Variants in NPAS3 observed in about 807,000 individuals in gnomAD.
The protein encoded by NPAS3 is neuronal PAS domain protein 3.
NPAS3 carries 14 observed loss-of-function variants against 73.1 expected under a neutral mutation model. That is an observed-to-expected ratio of 0.19 (90% CI 0.13 to 0.30). NPAS3 has a LOEUF of 0.30. NPAS3 is among the 10% of genes least tolerant of loss of function. The pLI is 1.00. For synonymous variants in NPAS3, 620 were observed against 541.5 expected, an observed-to-expected ratio of 1.14 and a Z score of -2.01; for missense variants, 1,096 against 1,250.0, an observed-to-expected ratio of 0.88 and a Z score of 1.86.
chr14:33,422,691 T>C (rs2048405156), intron 4 of NPAS3, among the ~76,000 whole-genome samples: 1 of 151,960 alleles, frequency 6.6e-6, no homozygotes, highest in Admixed American at 6.6e-5. Context: ...AAAATATATC[T>C]GTTGAATGAA....
intron 3 of NPAS3, among the ~76,000 whole-genome samples, chr14:33,265,329 A>G (rs570028385): frequency 5.3e-5 from 8 of 152,296 alleles, no homozygotes; most frequent in African/African-American, 1.7e-4. Context: ...CTTTGACATT[A>G]CTTTTCAGTT....
chr14:33,320,393 C>A (rs1004771924), intron 3 of NPAS3, among the ~76,000 whole-genome samples: 1 of 152,086 alleles, frequency 6.6e-6, no homozygotes, highest in African/African-American at 2.4e-5. Flanking sequence ...ACATATGTAA[C>A]AAATCTGCAC....
intron 1 of NPAS3, among the ~76,000 whole-genome samples, chr14:33,024,213 C>T (rs2138288451): frequency 6.6e-6 from 1 of 150,520 alleles, no homozygotes; most frequent in East Asian, 2.0e-4. Flanking sequence ...GCTCTGTCAC[C>T]CAGGCTGGAG....
At chr14:33,036,863 C>A (rs7160171) in intron 1 of NPAS3, among the ~76,000 whole-genome samples, 2,038 of 152,284 alleles carry the variant, frequency 0.013, 40 homozygotes, top group African/African-American at 0.046. Context: ...TCAGACCCAT[C>A]CCATCAAGGG....
intron 4 of NPAS3, among the ~76,000 whole-genome samples, chr14:33,551,179 C>A (rs1167948465): frequency 1.3e-5 from 2 of 152,066 alleles, no homozygotes; most frequent in Admixed American, 1.3e-4. Flanking sequence ...TTTTTAATGC[C>A]TTTTCTCTGG....
chr14:33,236,539 T>C (rs2048039995), intron 3 of NPAS3, among the ~76,000 whole-genome samples: 1 of 152,110 alleles, frequency 6.6e-6, no homozygotes, highest in Admixed American at 6.6e-5. Context: ...AAAGCATTTG[T>C]GAGAGCATCG....
At chr14:33,095,799 G>T (rs1209577036) in intron 2 of NPAS3, among the ~76,000 whole-genome samples, 1 of 151,274 alleles carries the variant, frequency 6.6e-6, no homozygotes, top group Non-Finnish European at 1.5e-5. Context: ...CTCTGGAGTA[G>T]CTGGGACTAC....
At chr14:33,568,730 G>A (rs2056080304) in intron 5 of NPAS3, among the ~76,000 whole-genome samples, 1 of 152,130 alleles carries the variant, frequency 6.6e-6, no homozygotes, top group Non-Finnish European at 1.5e-5. Flanking sequence ...AAGTAACATG[G>A]CAACAATTTC....
At chr14:33,230,626 G>A (rs566274052) in intron 3 of NPAS3, among the ~76,000 whole-genome samples, 3 of 152,188 alleles carry the variant, frequency 2.0e-5, no homozygotes, top group East Asian at 3.9e-4. Context: ...TATTCTATAA[G>A]GGTGACACGG....
chr14:33,031,344 G>A (rs1022025279), intron 1 of NPAS3, among the ~76,000 whole-genome samples: 1 of 152,196 alleles, frequency 6.6e-6, no homozygotes, highest in Non-Finnish European at 1.5e-5. Context: ...CCAGTTTTAT[G>A]ATGAGGGAAC....
At position 33,800,787 on chromosome 14, in the gene NPAS3, G is replaced by A; in HGVS notation, c.2480G>A (p.Gly827Asp). 1 of 1,584,008 alleles carries A rather than the reference G, an allele frequency of 6.3e-7. No individual in the cohort carries two copies. Residue 827 changes from glycine to aspartate, a missense_variant, in exon 12 of 12, where the codon GGC becomes GAC. Coordinates refer to ENST00000356141, the Ensembl canonical transcript of NPAS3. This position sits in a 1 kb window ranked among gnomAD's most constrained non-coding sequence, Gnocchi z 6.5. ...GCCGCGCAGAGGGTCTACACCACGG[G>A]CACCATCCGCTACGCGCCCGCCGAG...
chr14:33,770,982 G>A (rs962130955), intron 7 of NPAS3, among the ~76,000 whole-genome samples: 4 of 152,126 alleles, frequency 2.6e-5, no homozygotes, highest in Admixed American at 2.0e-4. Flanking sequence ...ATACTAACCT[G>A]GAAACAAAGC....
At chr14:33,599,724 G>A (rs1398641249) in intron 5 of NPAS3, among the ~76,000 whole-genome samples, 1 of 152,170 alleles carries the variant, frequency 6.6e-6, no homozygotes, top group Non-Finnish European at 1.5e-5. Flanking sequence ...GAAGCTTCAT[G>A]GAGCTCATTC....
At position 33,101,686 on chromosome 14, in the gene NPAS3, C is replaced by T. The variant is rs562463817; in HGVS notation, c.140+45692C>T. Among the ~76,000 whole-genome samples the T allele has an allele frequency of 5.3e-5, 8 of 152,208 alleles. No individual in the cohort carries two copies. The East Asian group carries it at 1.4e-3, about 26-fold the overall frequency. Reference sequence around the variant, plus strand: ...GTTACATTTATGGGATCTGAGCCAACACCATTCATTCCTAAGCTTACATTA... The same window carrying T: ...GTTACATTTATGGGATCTGAGCCAATACCATTCATTCCTAAGCTTACATTA... On this transcript the variant is annotated intron_variant, in intron 2 of 11. Coordinates refer to ENST00000356141, the Ensembl canonical transcript of NPAS3.
chr14:33,664,291 G>A (rs757173150), intron 5 of NPAS3, among the ~76,000 whole-genome samples: 10 of 152,106 alleles, frequency 6.6e-5, no homozygotes, highest in East Asian at 1.9e-4. Context: ...TTTAACAAAC[G>A]GTGTTGAGAA....
intron 2 of NPAS3, among the ~76,000 whole-genome samples, chr14:33,210,316 A>T (rs894918103): frequency 1.3e-5 from 2 of 152,188 alleles, no homozygotes; most frequent in African/African-American, 4.8e-5. Flanking sequence ...GCAAATTCTT[A>T]GGCAGTTTCA....
intron 6 of NPAS3, among the ~76,000 whole-genome samples, chr14:33,733,897 TAGA>T (rs2061460385): frequency 6.6e-6 from 1 of 152,134 alleles, no homozygotes; most frequent in Admixed American, 6.5e-5. Flanking sequence ...ATAAAAATGA[TAGA>T]AGAAAAGCCC....
chr14:33,084,417 A>C (rs2041955926), intron 2 of NPAS3, among the ~76,000 whole-genome samples: 1 of 152,216 alleles, frequency 6.6e-6, no homozygotes, highest in Non-Finnish European at 1.5e-5. Flanking sequence ...GAATGAGGGC[A>C]CCATTTTTTC....
chr14:32,949,792 T>A (rs564281792), intron 1 of NPAS3, among the ~76,000 whole-genome samples: 73 of 152,118 alleles, frequency 4.8e-4, no homozygotes, highest in African/African-American at 1.7e-3. Context: ...GAACTCTGTA[T>A]ATTTTATAAA....
Sources: gnomAD v4.1 joint callset for allele counts (sites outside exome capture counted in the v4.1 genomes callset) on GRCh38, gnomAD v4.1.1 for gene constraint, Gnocchi (gnomAD v3.1) non-coding constraint, MANE v1.5 for transcripts, NCBI Gene and HGNC (gene_info 2026-07-23, HGNC 2026-07-21) for gene names.